Variants in SPON1 observed in about 807,000 individuals in gnomAD.
SPON1 encodes the protein spondin-1.
Under a neutral mutation model 111.7 loss-of-function variants are expected in SPON1, and 52 were observed. The observed-to-expected ratio is 0.47, with a 90% CI of 0.37 to 0.59. The LOEUF (loss-of-function observed/expected upper bound fraction) is 0.59, where lower values mean the gene tolerates loss of function less well. SPON1 is among the 20% of genes least tolerant of loss of function. The pLI, the probability that SPON1 is intolerant of heterozygous loss-of-function variation, is 0.00. For synonymous variants in SPON1, 410 were observed against 395.8 expected (o/e 1.04, Z -0.43); for missense variants, 957 against 1,068.5 (o/e 0.90, Z 1.46).
chr11:14,025,402 C>A (rs538200106), intron 2 of SPON1, among the ~76,000 whole-genome samples: 1 of 152,258 alleles, frequency 6.6e-6, no homozygotes, highest in African/African-American at 2.4e-5. Flanking sequence ...GTGCTGGTGA[C>A]CCAAAAGTAA....
chr11:14,223,247 C>G (rs1422636016), intron 6 of SPON1, among the ~76,000 whole-genome samples: 1 of 152,060 alleles, frequency 6.6e-6, no homozygotes, highest in Non-Finnish European at 1.5e-5. Context: ...GCCTGTGATC[C>G]CAGCTACTTA....
At chr11:14,187,358 C>G (rs532749823) in intron 6 of SPON1, among the ~76,000 whole-genome samples, 164 of 152,202 alleles carry the variant, frequency 1.1e-3, no homozygotes, top group African/African-American at 3.9e-3. Flanking sequence ...GATTTGAACC[C>G]CAACCTGTCT....
At chr11:13,971,199 G>A (rs1554908563) in intron 1 of SPON1, among the ~76,000 whole-genome samples, 1 of 152,216 alleles carries the variant, frequency 6.6e-6, no homozygotes, top group Non-Finnish European at 1.5e-5. Context: ...GCCAGAGGCT[G>A]AGGGCAGATG....
chr11:14,068,533 A>G (rs1848850616), intron 3 of SPON1, among the ~76,000 whole-genome samples: 1 of 152,212 alleles, frequency 6.6e-6, no homozygotes, highest in East Asian at 1.9e-4. Flanking sequence ...ATGTCTGCTC[A>G]GAGCAGAGAA....
At chr11:14,078,403 T>C (rs1183055008) in intron 4 of SPON1, among the ~76,000 whole-genome samples, 1 of 152,178 alleles carries the variant, frequency 6.6e-6, no homozygotes, top group African/African-American at 2.4e-5. Context: ...GTAGCTACAA[T>C]TGAAACCTCA....
chr11:14,145,809 G>A (rs1442393653), intron 6 of SPON1, among the ~76,000 whole-genome samples: 2 of 152,082 alleles, frequency 1.3e-5, no homozygotes, highest in Non-Finnish European at 2.9e-5. Flanking sequence ...TAGAAACTCT[G>A]GATGCATTTA....
At chr11:14,170,918 G>C (rs1198047090) in intron 6 of SPON1, among the ~76,000 whole-genome samples, 4 of 152,086 alleles carry the variant, frequency 2.6e-5, no homozygotes, top group Non-Finnish European at 5.9e-5. Flanking sequence ...GAGGATTTTT[G>C]CATCAATGTT....
At chr11:14,224,912 G>A (rs1303429632) in intron 6 of SPON1, among the ~76,000 whole-genome samples, 1 of 152,188 alleles carries the variant, frequency 6.6e-6, no homozygotes, top group Non-Finnish European at 1.5e-5. Context: ...GATGGACTGG[G>A]TGCAGGGAGT....
chr11:14,160,098 C>A (rs962296010), intron 6 of SPON1, among the ~76,000 whole-genome samples: 1 of 151,714 alleles, frequency 6.6e-6, no homozygotes, highest in Non-Finnish European at 1.5e-5. Flanking sequence ...ATACTCCAAT[C>A]CCCATAATGT....
At chr11:14,087,101 G>A (rs11601512) in intron 5 of SPON1, among the ~76,000 whole-genome samples, 39,456 of 150,528 alleles carry the variant, frequency 0.26, 6,089 homozygotes, top group South Asian at 0.42. Context: ...ACCAGCTCCT[G>A]GATTCACTGA....
At position 14,228,421 on chromosome 11, in the gene SPON1, C is replaced by T. The variant is rs565874159; in HGVS notation, c.826-14911C>T. 2.9e-4 allele frequency among the ~76,000 whole-genome samples: 44 copies of T among 152,280 alleles called. No individual in the cohort carries two copies. Among genetic ancestry groups the T allele is most frequent in the African/African-American group, 1.0e-3 (42 of 41,550 alleles). ...AGTTACCAAAGAATGTTCTTGGGAA[C>T]CACAGCTGTGGGAGGCAGGGGAAGG... On this transcript the variant is annotated intron_variant, in intron 6 of 15. Transcript: ENST00000576479. This position sits in a 1 kb window ranked among gnomAD's most constrained non-coding sequence, Gnocchi z 4.2.
chr11:14,157,221 C>G (rs1847858449), intron 6 of SPON1, among the ~76,000 whole-genome samples: 1 of 151,870 alleles, frequency 6.6e-6, no homozygotes, highest in African/African-American at 2.4e-5. Flanking sequence ...AAAACTCCTT[C>G]AGCATTTTTT....
intron 6 of SPON1, among the ~76,000 whole-genome samples, chr11:14,160,387 A>ATT (rs1169358629): frequency 1.5e-4 from 7 of 46,140 alleles, no homozygotes; most frequent in African/African-American, 4.6e-4. Context: ...CACTTACATT[A>ATT]TTTTTATATA....
At position 14,075,425 on chromosome 11, in the gene SPON1, C is replaced by T. The variant is rs781982268; in HGVS notation, c.553+7C>T. The T allele has an allele frequency of 6.5e-7, 1 of 1,549,542 alleles. No homozygotes were observed. Among genetic ancestry groups the T allele is most frequent in the Non-Finnish European group, 8.7e-7 (1 of 1,144,194 alleles). The stretch of plus-strand genomic sequence containing the variant: ...AAGAAACTTTGTGAACAAGGTAAGA[C>T]CCTGTGGGTGGGGAGGGGGAGGGGC... On this transcript the variant is annotated splice_region_variant and intron_variant, in intron 4 of 15. Coordinates refer to ENST00000576479, the MANE Select transcript of SPON1 (RefSeq NM_006108.4).
rs59296309 is a variant in SPON1 at position 14,161,257 on chromosome 11, A to G, written c.825+25689A>G. On this transcript the variant is annotated intron_variant, in intron 6 of 15. Coordinates refer to ENST00000576479, the MANE Select transcript of SPON1 (RefSeq NM_006108.4). The stretch of plus-strand genomic sequence containing the variant: ...TATATTTATATATCTATATATTTAT[A>G]TATTTATATATCTGTATATCTATAT... Among the ~76,000 whole-genome samples, 6 of 120,658 alleles carry G rather than the reference A, an allele frequency of 5.0e-5. 1 individual carries two copies. The highest frequency in any genetic ancestry group is 1.9e-4 in the African/African-American group (6 of 32,000). The allele number at this position is 120,658 out of a possible 152,430, so 79.2% of individuals were successfully genotyped here.
At chr11:14,046,846 T>C (rs2133816370) in intron 3 of SPON1, among the ~76,000 whole-genome samples, 1 of 152,386 alleles carries the variant, frequency 6.6e-6, no homozygotes, top group South Asian at 2.1e-4. Context: ...GAATGTTCCA[T>C]ATTTATTTTG....
At chr11:14,106,965 G>A (rs1849189548) in intron 5 of SPON1, among the ~76,000 whole-genome samples, 1 of 152,132 alleles carries the variant, frequency 6.6e-6, no homozygotes. Flanking sequence ...AAAGGCTTAG[G>A]ACGAAGCAAA....
rs115593993 is a variant in SPON1, at chr11:13,965,014, C to G, written c.238+1872C>G. ...AAAAAAAGCTGTTTATCCACCCTCT[C>G]TTGGTGGTAGGGAGTAAATGAGTTT... On this transcript the variant is annotated intron_variant, in intron 1 of 15. Transcript: ENST00000576479. 7.7e-3 allele frequency among the ~76,000 whole-genome samples: 1,171 copies of G among 151,808 alleles called. 21 individuals carry two copies. Among genetic ancestry groups the G allele is most frequent in the African/African-American group, 0.027 (1,108 of 41,400 alleles).
At chr11:14,233,497 C>G (rs7123705) in intron 6 of SPON1, among the ~76,000 whole-genome samples, 25,177 of 152,198 alleles carry the variant, frequency 0.17, 2,221 homozygotes, top group South Asian at 0.24. Context: ...CTCTGAACAA[C>G]AGCCCCTAAA....
Sources: gnomAD v4.1 joint callset for allele counts (sites outside exome capture counted in the v4.1 genomes callset) on GRCh38, gnomAD v4.1.1 for gene constraint, Gnocchi (gnomAD v3.1) non-coding constraint, MANE v1.5 for transcripts, NCBI Gene and HGNC (gene_info 2026-07-23, HGNC 2026-07-21) for gene names.